The following PLPPR5 variants were observed in gnomAD, a reference collection of about 807,000 sequenced individuals.
PLPPR5 encodes the protein phospholipid phosphatase-related protein type 5.
A neutral mutation model predicts 33.9 loss-of-function variants in PLPPR5; 16 were observed. That is an observed-to-expected ratio of 0.47 (90% CI 0.32 to 0.72). The LOEUF is 0.72. PLPPR5 is among the 30% of genes least tolerant of loss of function. PLPPR5 has a pLI of 0.03. For synonymous variants in PLPPR5, 163 were observed against 150.3 expected, an observed-to-expected ratio of 1.08 and a Z score of -0.62; for missense variants, 301 against 406.7, an observed-to-expected ratio of 0.74 and a Z score of 2.23.
chr1:98,900,977 C>T lies in PLPPR5; in HGVS notation c.934-7873G>A, dbSNP rs923524598. Among the ~76,000 whole-genome samples, 35 of 152,170 alleles carry T rather than the reference C, an allele frequency of 2.3e-4. No homozygotes were observed. In the Middle Eastern group the frequency reaches 0.017, roughly 74 times the overall value. ...ACCATACAACCTGGCAATCTCACTG[C>T]TAGGTATTTATCTAAAAGAAATAAA... On this transcript the variant is annotated intron_variant, in intron 5 of 5. Transcript: ENST00000263177.
chr1:98,998,526 G>A (rs538967934), intron 1 of PLPPR5, among the ~76,000 whole-genome samples: 2 of 152,114 alleles, frequency 1.3e-5, no homozygotes, highest in Admixed American at 6.6e-5. Context: ...GATAGAACAC[G>A]AAGTTTTCCA....
chr1:98,920,109 G>A (rs2101158979), intron 4 of PLPPR5, among the ~76,000 whole-genome samples: 1 of 152,226 alleles, frequency 6.6e-6, no homozygotes, highest in African/African-American at 2.4e-5. Flanking sequence ...CAATTGGAGG[G>A]TCTTGAGCTC....
intron 1 of PLPPR5, among the ~76,000 whole-genome samples, chr1:98,992,863 T>C (rs1257315715): frequency 6.6e-6 from 1 of 152,040 alleles, no homozygotes. Flanking sequence ...CTGTAGGAAA[T>C]GGCAAAAAAT....
At chr1:98,919,877 C>A (rs1649482292) in intron 4 of PLPPR5, among the ~76,000 whole-genome samples, 1 of 152,088 alleles carries the variant, frequency 6.6e-6, no homozygotes, top group Non-Finnish European at 1.5e-5. Flanking sequence ...TTTTGTTTAA[C>A]CTTTATAGAG....
intron 2 of PLPPR5, among the ~76,000 whole-genome samples, chr1:98,954,559 AATATT>A (rs1650933607): frequency 6.6e-6 from 1 of 152,210 alleles, no homozygotes; most frequent in East Asian, 1.9e-4. Flanking sequence ...AAATTTTTGA[AATATT>A]ATATAAGATT....
chr1:98,970,862 A>G (rs935319639), intron 1 of PLPPR5, among the ~76,000 whole-genome samples: 2 of 152,092 alleles, frequency 1.3e-5, no homozygotes, highest in African/African-American at 4.8e-5. Context: ...TTATCACTCA[A>G]TGTCAAACTT....
chr1:98,952,090 C>A (rs1237032119), intron 3 of PLPPR5, among the ~76,000 whole-genome samples: 2 of 151,968 alleles, frequency 1.3e-5, no homozygotes, highest in African/African-American at 2.4e-5. Context: ...TGGTGAAACC[C>A]CATCTCTACT....
intron 4 of PLPPR5, among the ~76,000 whole-genome samples, chr1:98,921,374 C>T (rs565387039): frequency 9.9e-5 from 15 of 152,256 alleles, no homozygotes; most frequent in Admixed American, 7.9e-4. Flanking sequence ...CCTGCTAGCA[C>T]TGGGACATGG....
chr1:98,989,826 C>T (rs1449275002), intron 1 of PLPPR5, among the ~76,000 whole-genome samples: 1 of 152,144 alleles, frequency 6.6e-6, no homozygotes, highest in African/African-American at 2.4e-5. Flanking sequence ...TTTCTTCTTT[C>T]CTCAGCCCTT....
intron 1 of PLPPR5, among the ~76,000 whole-genome samples, chr1:98,964,166 G>T (rs947100374): frequency 6.6e-6 from 1 of 152,200 alleles, no homozygotes; most frequent in Non-Finnish European, 1.5e-5. Flanking sequence ...AGAAGCCAGA[G>T]ATGGAGATGC....
rs148487035 is a variant in PLPPR5 at position 98,963,108 on chromosome 1, A to T, written c.238-6367T>A. ...CTCTGTGCTCTAGTCACAGCTAAGC[A>T]TTTTCATTCTCCAACATATCCAGTA... On this transcript the variant is annotated intron_variant, in intron 1 of 5. Transcript: ENST00000263177. 2.0e-5 allele frequency among the ~76,000 whole-genome samples: 3 copies of T among 152,254 alleles called. No individual in the cohort carries two copies. In the East Asian group the frequency reaches 5.8e-4, roughly 29 times the overall value.
intron 1 of PLPPR5, among the ~76,000 whole-genome samples, chr1:98,976,337 T>C (rs563426425): frequency 3.9e-4 from 59 of 152,158 alleles, no homozygotes; most frequent in African/African-American, 1.3e-3. Flanking sequence ...TGTCCTAACA[T>C]TGATGAAAAA....
intron 3 of PLPPR5, among the ~76,000 whole-genome samples, chr1:98,933,586 G>A (rs1281660449): frequency 6.6e-6 from 1 of 151,994 alleles, no homozygotes; most frequent in Admixed American, 6.6e-5. Flanking sequence ...ACCAAGTGCA[G>A]AGATGAAAAG....
At chr1:98,914,330 A>C (rs1262753188) in intron 5 of PLPPR5, among the ~76,000 whole-genome samples, 1 of 152,256 alleles carries the variant, frequency 6.6e-6, no homozygotes, top group African/African-American at 2.4e-5. Flanking sequence ...CTGTTGCGTA[A>C]GCTGGACTGC....
intron 5 of PLPPR5, among the ~76,000 whole-genome samples, chr1:98,910,336 A>G (rs1378566113): frequency 1.3e-5 from 2 of 152,198 alleles, no homozygotes; most frequent in Non-Finnish European, 2.9e-5. Context: ...TTACTTGTTT[A>G]CTAGTATGAG....
chr1:98,957,751 C>T (rs1392899394), intron 1 of PLPPR5, among the ~76,000 whole-genome samples: 1 of 152,114 alleles, frequency 6.6e-6, no homozygotes, highest in Non-Finnish European at 1.5e-5. Context: ...CCATATGAAA[C>T]TAGGAATAGC....
intron 5 of PLPPR5, among the ~76,000 whole-genome samples, chr1:98,907,906 G>A (rs1245639558): frequency 6.6e-6 from 1 of 152,166 alleles, no homozygotes; most frequent in African/African-American, 2.4e-5. Context: ...CTTGGAGGCA[G>A]CTTTTGGTTT....
At chr1:98,947,045 T>A (rs1650583282) in intron 3 of PLPPR5, among the ~76,000 whole-genome samples, 1 of 152,140 alleles carries the variant, frequency 6.6e-6, no homozygotes, top group Middle Eastern at 3.2e-3. Flanking sequence ...TAGAAAGTCC[T>A]CTTTTCTTAA....
At chr1:99,000,507 T>A (rs1019175560) in intron 1 of PLPPR5, among the ~76,000 whole-genome samples, 1 of 152,176 alleles carries the variant, frequency 6.6e-6, no homozygotes, top group African/African-American at 2.4e-5. Flanking sequence ...CACACCACTC[T>A]TAGAAACAAA....
Sources: gnomAD v4.1 joint callset for allele counts (sites outside exome capture counted in the v4.1 genomes callset) on GRCh38, gnomAD v4.1.1 for gene constraint, MANE v1.5 for transcripts, NCBI Gene and HGNC (gene_info 2026-07-23, HGNC 2026-07-21) for gene names.